N4BP2L2: variants seen among roughly 807,000 people sequenced by gnomAD.
The protein encoded by N4BP2L2 is NEDD4 binding protein 2 like 2.
N4BP2L2 carries 50 observed loss-of-function variants against 56.2 expected under a neutral mutation model. The observed-to-expected ratio is 0.89, with a 90% CI of 0.71 to 1.13. The LOEUF (loss-of-function observed/expected upper bound fraction) is 1.13. Ranked by LOEUF, N4BP2L2 falls within the 50% of genes most tolerant of loss-of-function variation. N4BP2L2 has a pLI of 0.00. For synonymous variants in N4BP2L2, 203 were observed against 223.6 expected (o/e 0.91, Z 0.82); for missense variants, 689 against 693.8 (o/e 0.99, Z 0.08).
chr13:32,473,375 C>T (rs540359602), intron 6 of N4BP2L2, among the ~76,000 whole-genome samples: 61 of 151,758 alleles, frequency 4.0e-4, no homozygotes, highest in Non-Finnish European at 7.2e-4. Flanking sequence ...TTAAAAACAA[C>T]CAAAGATAAC....
intron 2 of N4BP2L2, among the ~76,000 whole-genome samples, chr13:32,532,889 CT>C (rs35143353): frequency 1.4e-5 from 2 of 145,662 alleles, no homozygotes; most frequent in African/African-American, 5.0e-5. Context: ...GGCACCCGGC[CT>C]TTTTTTAAAA....
chr13:32,536,622 GTTTCTT>G (rs771151873), exon 2 of N4BP2L2: 2 of 1,613,492 alleles, frequency 1.2e-6, no homozygotes, highest in Non-Finnish European at 1.7e-6. Flanking sequence ...CCTTCATTAC[GTTTCTT>G]TTTCTCAGGG....
chr13:32,445,920 C>CA (rs11462304), intron 6 of N4BP2L2, among the ~76,000 whole-genome samples: 6,683 of 152,166 alleles, frequency 0.044, 242 homozygotes, highest in African/African-American at 0.11. Context: ...CCTGGATAAT[C>CA]AGAGTCAGGG....
At chr13:32,498,907 T>G (rs1189692983) in intron 6 of N4BP2L2, among the ~76,000 whole-genome samples, 1 of 149,234 alleles carries the variant, frequency 6.7e-6, no homozygotes, top group Non-Finnish European at 1.5e-5. Flanking sequence ...GAGAATCGTT[T>G]GAACCTGGGA....
At chr13:32,527,330 C>A (rs906459268) in intron 3 of N4BP2L2, 78 bp downstream of exon 3, 3 of 1,503,406 alleles carry the variant, frequency 2.0e-6, no homozygotes, top group Non-Finnish European at 2.7e-6. Flanking sequence ...CTGGTAAAAA[C>A]CTAAGCTGAA....
In N4BP2L2 at chr13:32,517,116, C is replaced by G. The variant is rs1594017806; in HGVS notation, c.*686G>C. 1.7e-5 allele frequency: 17 copies of G among 983,570 alleles called. No individual in the cohort carries two copies. The South Asian group carries it at 6.6e-4, about 38-fold the overall frequency. 60.9% of individuals were successfully genotyped at this position (983,570 alleles called of 1,614,324 possible). On this transcript the variant is annotated 3_prime_UTR_variant, in exon 6 of 6. Coordinates refer to ENST00000267068, the Ensembl canonical transcript of N4BP2L2. ...TAAAACATTATTAGAATCACTTTAT[C>G]CCTTCAAGAACTGGCAAGCATGTGG...
intron 6 of N4BP2L2, chr13:32,480,734 T>C: frequency 3.2e-6 from 2 of 629,910 alleles, no homozygotes; most frequent in Non-Finnish European, 4.9e-6. Flanking sequence ...CTACTACTAT[T>C]TTCATTTTAT....
intron 6 of N4BP2L2, among the ~76,000 whole-genome samples, chr13:32,471,013 A>C (rs2082190218): frequency 6.6e-6 from 1 of 152,246 alleles, no homozygotes; most frequent in African/African-American, 2.4e-5. Context: ...AACCAGGTGC[A>C]GGCAAAGTAG....
chr13:32,461,882 G>A (rs907817357), intron 6 of N4BP2L2, among the ~76,000 whole-genome samples: 2 of 152,114 alleles, frequency 1.3e-5, no homozygotes, highest in Non-Finnish European at 2.9e-5. Context: ...CATTGTATGT[G>A]TGAGCCACTA....
chr13:32,490,296 GTTTT>G (rs879841385), intron 6 of N4BP2L2, among the ~76,000 whole-genome samples: 3 of 151,872 alleles, frequency 2.0e-5, no homozygotes, highest in Non-Finnish European at 4.4e-5. Context: ...CTACTGTTTT[GTTTT>G]TTTGTTTGTT....
chr13:32,442,164 C>G (rs895701291), intron 7 of N4BP2L2, among the ~76,000 whole-genome samples: 2 of 152,170 alleles, frequency 1.3e-5, no homozygotes, highest in African/African-American at 4.8e-5. Context: ...CCCAAGTATT[C>G]TAAGTTCTCA....
chr13:32,478,793 G>A (rs557399466), intron 6 of N4BP2L2: 23 of 152,248 alleles, frequency 1.5e-4, no homozygotes, highest in African/African-American at 4.8e-4. Flanking sequence ...ACAAAAAAGC[G>A]AGTACAACTG....
chr13:32,510,095 T>C (rs1368406644), downstream of N4BP2L2, among the ~76,000 whole-genome samples: 1 of 152,082 alleles, frequency 6.6e-6, no homozygotes, highest in African/African-American at 2.4e-5. Context: ...AAAAAGTTCC[T>C]ATTATAGAGA....
intron 3 of N4BP2L2, chr13:32,522,958 A>G (rs1426319357): frequency 6.6e-6 from 1 of 152,248 alleles, no homozygotes; most frequent in African/African-American, 2.4e-5. Flanking sequence ...TATGCCAAGT[A>G]GCTAAAAATC....
intron 2 of N4BP2L2, among the ~76,000 whole-genome samples, chr13:32,531,856 G>A (rs1008852544): frequency 6.6e-6 from 1 of 152,182 alleles, no homozygotes; most frequent in Non-Finnish European, 1.5e-5. Context: ...GTGTGCAGAC[G>A]TGTGTTCCTT....
intron 7 of N4BP2L2, among the ~76,000 whole-genome samples, chr13:32,441,609 G>A (rs1325439931): frequency 6.6e-6 from 1 of 150,692 alleles, no homozygotes; most frequent in South Asian, 2.1e-4. Flanking sequence ...GCTTGAACCC[G>A]GGAAGTGGAG....
downstream of N4BP2L2, chr13:32,507,772 T>C (rs1413066069): frequency 6.6e-6 from 1 of 152,156 alleles, no homozygotes; most frequent in Non-Finnish European, 1.5e-5. Context: ...CTAGATTATG[T>C]AGTGTCTAAG....
At chr13:32,442,211 A>G (rs905638713) in intron 7 of N4BP2L2, among the ~76,000 whole-genome samples, 1 of 152,206 alleles carries the variant, frequency 6.6e-6, no homozygotes, top group Non-Finnish European at 1.5e-5. Flanking sequence ...ACCGACAGCA[A>G]AGGGTGGGGA....
intron 6 of N4BP2L2, among the ~76,000 whole-genome samples, chr13:32,463,677 A>AT: frequency 6.6e-6 from 1 of 151,156 alleles, no homozygotes; most frequent in South Asian, 2.1e-4. Flanking sequence ...AAAAAAAAAA[A>AT]AAAAGGGGGC....
Sources: allele counts gnomAD v4.1 joint callset (sites outside exome capture counted in the v4.1 genomes callset), GRCh38; gene constraint gnomAD v4.1.1; transcripts MANE v1.5; gene names NCBI Gene and HGNC (gene_info 2026-07-23, HGNC 2026-07-21).